Variants in MRPL4 observed in about 807,000 individuals in gnomAD.
MRPL4 encodes mitochondrial ribosomal protein L4, also known as large ribosomal subunit protein uL4m.
In MRPL4, 34 loss-of-function variants were observed where a neutral mutation model predicts 34.1. The ratio of observed to expected loss-of-function variants is 1.00; its 90% CI spans 0.76 to 1.33. MRPL4 has a LOEUF of 1.33. Among genes scored for constraint, MRPL4 ranks in the 40% most tolerant of loss-of-function variants. The pLI, the probability that MRPL4 is intolerant of heterozygous loss-of-function variation, is 0.00. For missense variants in MRPL4, 402 were observed against 434.6 expected (o/e 0.92, Z 0.67); for synonymous variants, 196 against 188.3 (o/e 1.04, Z -0.33).
At chr19:10,258,727 C>T in intron 8 of MRPL4, 42 bp downstream of exon 8, 1 of 1,613,876 alleles carries the variant, frequency 6.2e-7, no homozygotes, top group East Asian at 2.2e-5. Flanking sequence ...CATGTGCAGG[C>T]TCCGCTGTTA....
chr19:10,254,540 G>A (rs757837321), intron 3 of MRPL4, 49 bp from the exon 4 acceptor site: 3 of 1,606,612 alleles, frequency 1.9e-6, no homozygotes, highest in African/African-American at 1.3e-5. Flanking sequence ...AGTGGGGTGG[G>A]AGCGTTTGAA....
At chr19:10,254,869 A>G (rs915329338) in intron 4 of MRPL4, 3 of 346,462 alleles carry the variant, frequency 8.7e-6, no homozygotes, top group African/African-American at 4.3e-5. Flanking sequence ...CAGTGGCGCA[A>G]TCTTGGTTCA....
intron 8 of MRPL4, 74 bp downstream of exon 8, chr19:10,258,759 G>A (rs760797522): frequency 6.3e-5 from 101 of 1,612,814 alleles, no homozygotes; most frequent in South Asian, 1.6e-4. Flanking sequence ...GTTCAAATCC[G>A]GCATCTGGTC....
chr19:10,258,731 G>A (rs534284603), intron 8 of MRPL4, 46 bp downstream of exon 8: 46 of 1,613,928 alleles, frequency 2.9e-5, no homozygotes, highest in African/African-American at 2.4e-4. Context: ...TGCAGGCTCC[G>A]CTGTTAGAAT....
At chr19:10,258,104 C>A in intron 5 of MRPL4, 118 bp from the exon 6 acceptor site, 1 of 689,394 alleles carries the variant, frequency 1.5e-6, no homozygotes, top group Non-Finnish European at 2.5e-6. Context: ...CCCACCCTCT[C>A]TGCCTTGTTC....
At chr19:10,257,926 A>C (rs563404160) in intron 5 of MRPL4, among the ~76,000 whole-genome samples, 1 of 152,154 alleles carries the variant, frequency 6.6e-6, no homozygotes, top group African/African-American at 2.4e-5. Context: ...AGCTCACTGC[A>C]GCCTTGAGCT....
At position 10,256,728 on chromosome 19, in the gene MRPL4, G is replaced by T; in HGVS notation, c.348G>T (p.Thr116=). 6.2e-7 allele frequency: 1 copy of T among 1,608,296 alleles called. No homozygotes were observed. Among genetic ancestry groups the T allele is most frequent in the Non-Finnish European group, 8.5e-7 (1 of 1,177,278 alleles). ...FKRISYAKTK[T]RAEVRGGGRK... ...TCCAGAGCTATGCCAAGACCAAGAC[G>T]AGAGCCGAGGTGCGGGGCGGTGGCC... The change falls in exon 5 of 9, where the codon ACG becomes ACT. Residue 116 remains threonine, a synonymous_variant. Coordinates refer to ENST00000253099, the MANE Select transcript of MRPL4 (RefSeq NM_015956.3).
At chr19:10,258,739 A>C (rs746646067) in intron 8 of MRPL4, 54 bp downstream of exon 8, 3 of 1,613,786 alleles carry the variant, frequency 1.9e-6, no homozygotes, top group Non-Finnish European at 2.5e-6. Context: ...CCGCTGTTAG[A>C]ATCACAGCGG....
At chr19:10,258,851 C>A in intron 8 of MRPL4, 166 bp downstream of exon 8, 1 of 1,545,758 alleles carries the variant, frequency 6.5e-7, no homozygotes. Flanking sequence ...TAAAGAAGTG[C>A]TTGGCTGGGG....
At position 10,252,551 on chromosome 19, in the gene MRPL4, G is replaced by A; in HGVS notation, c.125G>A (p.Gly42Asp). Reference protein sequence around the residue: ...TENPEQVASEGLPEPVLRKVE... With the variant: ...TENPEQVASEDLPEPVLRKVE... ...CCTCTGACCCCCGCAATCGCTCCAGGTCTCCCGGAGCCCGTGCTGCGCAAA... is the reference window on the plus strand; with the variant it reads ...CCTCTGACCCCCGCAATCGCTCCAGATCTCCCGGAGCCCGTGCTGCGCAAA... The change falls in exon 3 of 9, where the codon GGT becomes GAT. Residue 42 changes from glycine to aspartate, a missense_variant and splice_region_variant. Coordinates refer to ENST00000253099, the MANE Select transcript of MRPL4 (RefSeq NM_015956.3). The A allele has an allele frequency of 6.2e-7, 1 of 1,613,160 alleles. No individual in the cohort carries two copies. The highest frequency in any genetic ancestry group is 8.5e-7 in the Non-Finnish European group (1 of 1,179,532).
intron 3 of MRPL4, among the ~76,000 whole-genome samples, chr19:10,254,104 C>T (rs1038397373): frequency 6.6e-6 from 1 of 152,106 alleles, no homozygotes; most frequent in Non-Finnish European, 1.5e-5. Flanking sequence ...CTTCAACCTC[C>T]GCCTCCTGGG....
chr19:10,252,269 C>T lies in MRPL4; in HGVS notation c.16C>T (p.Arg6Trp), dbSNP rs896257882. Residue 6 changes from arginine (R) to tryptophan (W), a missense_variant, in exon 1 of 9, where the codon CGG (arginine) becomes TGG (tryptophan). Transcript: ENST00000253099. MLQFV[R>W]AGARAWLRPT... ...CTGCGCGGCGATGCTGCAGTTCGTC[C>T]GGGCCGGGGCGCGGGCCTGGCTTCG... 5 of 1,607,686 alleles carry T rather than the reference C, an allele frequency of 3.1e-6. No homozygotes were observed. The highest frequency in any genetic ancestry group is 4.2e-6 in the Non-Finnish European group (5 of 1,177,642).
In MRPL4 at chr19:10,256,843, AGGGGGCGGGGAGGGGTGG is replaced by A; in HGVS notation, c.445+25_445+42del. The A allele has an allele frequency of 4.2e-5, 2 of 48,152 alleles. No homozygotes were observed. Among genetic ancestry groups the A allele is most frequent in the Non-Finnish European group, 7.6e-5 (2 of 26,330 alleles). 3.0% of individuals were successfully genotyped at this position (48,152 alleles called of 1,614,324 possible). A position where few individuals can be genotyped will look rare whatever the true frequency, so the allele number is the denominator to read the frequency against. On this transcript the variant is annotated intron_variant, in intron 5 of 8. Transcript: ENST00000253099. Reference sequence around the variant, plus strand: ...GCGAGGAGGTAACAGGACAGGGTGGAGGGGGCGGGGAGGGGTGGGGGGGCCAGGGAAGGGCCTGGGTGT... The same window carrying A: ...GCGAGGAGGTAACAGGACAGGGTGGAGGGGGCCAGGGAAGGGCCTGGGTGT...
chr19:10,257,114 G>A (rs2145471891), intron 5 of MRPL4, among the ~76,000 whole-genome samples: 1 of 152,038 alleles, frequency 6.6e-6, no homozygotes, highest in South Asian at 2.1e-4. Context: ...ACCCTCTCCT[G>A]ACCCACACTT....
chr19:10,257,617 G>A (rs189306673), intron 5 of MRPL4, among the ~76,000 whole-genome samples: 1 of 152,148 alleles, frequency 6.6e-6, no homozygotes, highest in South Asian at 2.1e-4. Context: ...CATGGTGCTT[G>A]CAGGGGTCTC....
rs1039874811 is a variant in MRPL4 at position 10,256,737 on chromosome 19, G to A, written c.357G>A (p.Glu119=). Residue 119 remains glutamate, a synonymous_variant, in exon 5 of 9, where the codon GAG becomes GAA. Transcript: ENST00000253099. ...ATGCCAAGACCAAGACGAGAGCCGA[G>A]GTGCGGGGCGGTGGCCGGAAGCCTT... ...ISYAKTKTRA[E]VRGGGRKPWP... 2 of 1,605,604 alleles carry A rather than the reference G, an allele frequency of 1.2e-6. No individual in the cohort carries two copies. The highest frequency in any genetic ancestry group is 3.4e-5 in the Admixed American group (2 of 59,270).
Position 10,258,274 on chromosome 19 carries a change from C to T in MRPL4, c.498C>T (p.Pro166=). ...CCACAAGTTACTACTACATGCTGCC[C>T]ATGAAGGTGCGGGCGCTGGGTCTCA... ...RGPTSYYYML[P]MKVRALGLKV... Residue 166 remains proline, a synonymous_variant, in exon 6 of 9, where the codon CCC becomes CCT. Transcript: ENST00000253099. The T allele has an allele frequency of 6.2e-7, 1 of 1,614,124 alleles. No homozygotes were observed.
intron 3 of MRPL4, among the ~76,000 whole-genome samples, chr19:10,253,460 C>T (rs552784443): frequency 3.8e-4 from 44 of 114,384 alleles, no homozygotes; most frequent in African/African-American, 1.4e-3. Flanking sequence ...TCCTGGGCAA[C>T]ACTCTGTCTC....
At chr19:10,259,194 T>G in intron 8 of MRPL4, 5 of 1,164,162 alleles carry the variant, frequency 4.3e-6, no homozygotes, top group Non-Finnish European at 5.3e-6. Flanking sequence ...GACATGAGCC[T>G]AAGTCAAGTC....
Sources: gnomAD v4.1 joint callset for allele counts (sites outside exome capture counted in the v4.1 genomes callset) on GRCh38, gnomAD v4.1.1 for gene constraint, MANE v1.5 for transcripts, NCBI Gene and HGNC (gene_info 2026-07-23, HGNC 2026-07-21) for gene names.